Variants in PLAA observed in about 807,000 individuals in gnomAD.
PLAA encodes the protein phospholipase A2 activating protein.
PLAA carries 48 observed loss-of-function variants against 84.1 expected under a neutral mutation model. That is an observed-to-expected ratio of 0.57 (90% confidence interval 0.45 to 0.73). The LOEUF is 0.73. PLAA is among the 30% of genes least tolerant of loss of function. The pLI, the probability that PLAA is intolerant of heterozygous loss-of-function variation, is 0.00. For synonymous variants in PLAA, 392 were observed against 336.6 expected (o/e 1.16, Z -1.80); for missense variants, 903 against 954.7 (o/e 0.95, Z 0.71).
chr9:26,919,088 T>C (rs10967599), intron 9 of PLAA: 35,480 of 396,678 alleles, frequency 0.089, 4,974 homozygotes, highest in East Asian at 0.54. Flanking sequence ...GAAATTCCAT[T>C]ATAGTATGAT....
chr9:26,914,981 G>A (rs1196232253), intron 10 of PLAA, among the ~76,000 whole-genome samples: 1 of 152,228 alleles, frequency 6.6e-6, no homozygotes, highest in Non-Finnish European at 1.5e-5. Flanking sequence ...GGGAGGCTGA[G>A]GCGGGTGGAT....
chr9:26,947,015 T>C lies in PLAA; in HGVS notation c.31A>G (p.Ser11Gly). ...AGCTCGTGGCCCCGGAGCGAGCAGCTCAGCCGGTACCTGGTTGCGCCGCTC... is the reference window on the plus strand; with the variant it reads ...AGCTCGTGGCCCCGGAGCGAGCAGCCCAGCCGGTACCTGGTTGCGCCGCTC... The part of the protein sequence containing the change: MTSGATRYRL[S>G]CSLRGHELDV... The change falls in exon 1 of 14, where the codon AGC becomes GGC. Residue 11 changes from serine to glycine, a missense_variant. By Grantham distance (56) the Ser-to-Gly change is moderately conservative. Transcript: ENST00000397292. 1 of 1,592,284 alleles carries C rather than the reference T, an allele frequency of 6.3e-7. No individual in the cohort carries two copies. Among genetic ancestry groups the C allele is most frequent in the Non-Finnish European group, 8.5e-7 (1 of 1,170,248 alleles).
chr9:26,932,195 T>C lies in PLAA; in HGVS notation c.343+2818A>G, dbSNP rs550828493. Among the ~76,000 whole-genome samples, 5 of 131,266 alleles carry C rather than the reference T, an allele frequency of 3.8e-5. No homozygotes were observed. In the East Asian group the frequency reaches 9.1e-4, roughly 24 times the overall value. The allele number at this position is 131,266 out of a possible 152,430, so 86.1% of individuals were successfully genotyped here. ...AGATTTATGAGACAACTGGGTAAAT[T>C]TGAACATTCACTGGATGTTTTTGTT... is the stretch of plus-strand genomic sequence containing the variant. On this transcript the variant is annotated intron_variant, in intron 2 of 13. Transcript: ENST00000397292.
chr9:26,935,011 A>C lies in PLAA; in HGVS notation c.343+2T>G. ...AAAACACCAAAGCATTATTATACTC[A>C]CCAGTATTTTTGTGGCCTTTTAGAA... On this transcript the variant is annotated splice_donor_variant, in intron 2 of 13. Coordinates refer to ENST00000397292, the MANE Select transcript of PLAA (RefSeq NM_001031689.3). LOFTEE classifies it high-confidence loss of function. The C allele has an allele frequency of 2.5e-6, 4 of 1,574,648 alleles. No individual in the cohort carries two copies. The highest frequency in any genetic ancestry group is 3.5e-6 in the Non-Finnish European group (4 of 1,159,206).
chr9:26,946,134 T>C (rs1180872277), intron 1 of PLAA, among the ~76,000 whole-genome samples: 1 of 152,186 alleles, frequency 6.6e-6, no homozygotes, highest in Non-Finnish European at 1.5e-5. Flanking sequence ...ACCTACTAAA[T>C]AACAAAATAA....
At position 26,933,788 on chromosome 9, in the gene PLAA, CAAA is replaced by C. The variant is rs199939902; in HGVS notation, c.343+1222_343+1224del. On this transcript the variant is annotated intron_variant, in intron 2 of 13. Transcript: ENST00000397292. The stretch of plus-strand genomic sequence containing the variant: ...TGGGCGACAGAGCGAGACTCTGCCT[CAAA>C]AAAAAAAAAAAAAAAAAAAAAATTT... Among the ~76,000 whole-genome samples the C allele has an allele frequency of 4.0e-3, 361 of 89,198 alleles. 2 individuals are homozygous for C. Among genetic ancestry groups the C allele is most frequent in the African/African-American group, 0.014 (334 of 24,388 alleles). 58.5% of individuals were successfully genotyped at this position (89,198 alleles called of 152,430 possible). A position where few individuals can be genotyped will look rare whatever the true frequency, so the allele number is the denominator to read the frequency against.
rs760606980 is a variant in PLAA at position 26,920,264 on chromosome 9, T to G, written c.1160A>C (p.Asn387Thr). 33 of 1,613,810 alleles carry G rather than the reference T, an allele frequency of 2.0e-5. No individual in the cohort carries two copies. Among genetic ancestry groups the G allele is most frequent in the Non-Finnish European group, 2.7e-5 (32 of 1,179,888 alleles). ...IGDVVGSSGANQQTSGKVLYE... is the reference protein window; with the variant it reads ...IGDVVGSSGATQQTSGKVLYE... Reference sequence around the variant, plus strand: ...TAAAACTTTTCCAGATGTTTGCTGATTAGCACCAGATGAGCCAACAACATC... The same window carrying G: ...TAAAACTTTTCCAGATGTTTGCTGAGTAGCACCAGATGAGCCAACAACATC... Residue 387 changes from asparagine to threonine, a missense_variant, in exon 8 of 14, where the codon AAT becomes ACT. Physicochemically the swap from Asn to Thr is moderately conservative, Grantham distance 65. Transcript: ENST00000397292.
chr9:26,930,834 C>T (rs982644753), intron 2 of PLAA, among the ~76,000 whole-genome samples: 3 of 151,382 alleles, frequency 2.0e-5, no homozygotes, highest in South Asian at 2.1e-4. Flanking sequence ...CCACCCACCT[C>T]GGCCTCCCAA....
At position 26,916,410 on chromosome 9, in the gene PLAA, T is replaced by C. The variant is rs1228722547; in HGVS notation, c.1486+687A>G. ...AGTCCAACTCTGGCACTTTTTCCAG[T>C]AGTGTTGATGCTGAGGCATGCATAC... On this transcript the variant is annotated intron_variant, in intron 10 of 13. Coordinates refer to ENST00000397292, the MANE Select transcript of PLAA (RefSeq NM_001031689.3). 3 of 986,928 alleles carry C rather than the reference T, an allele frequency of 3.0e-6. No individual in the cohort carries two copies. The African/African-American group carries it at 5.2e-5, about 17-fold the overall frequency. 61.1% of individuals were successfully genotyped at this position (986,928 alleles called of 1,614,324 possible).
intron 11 of PLAA, among the ~76,000 whole-genome samples, chr9:26,912,553 T>C (rs754451300): frequency 1.3e-5 from 2 of 152,176 alleles, no homozygotes; most frequent in Non-Finnish European, 2.9e-5. Flanking sequence ...TACTAAGGTA[T>C]ATAAAGCTTC....
intron 2 of PLAA, among the ~76,000 whole-genome samples, chr9:26,932,399 G>A (rs1825216136): frequency 1.3e-5 from 2 of 152,148 alleles, no homozygotes; most frequent in South Asian, 4.1e-4. Context: ...AACAATCAAA[G>A]GCAATCTTCT....
At chr9:26,927,126 T>G (rs1323661142) in intron 4 of PLAA, among the ~76,000 whole-genome samples, 1 of 138,922 alleles carries the variant, frequency 7.2e-6, no homozygotes, top group Non-Finnish European at 1.5e-5. Flanking sequence ...TTTTTGTTTT[T>G]CTTTTTTTTT....
chr9:26,906,423 C>CTTTTTTT (rs35324777), intron 13 of PLAA, among the ~76,000 whole-genome samples: 1 of 95,090 alleles, frequency 1.1e-5, no homozygotes, highest in Non-Finnish European at 2.0e-5. Flanking sequence ...AGGGAAAGTT[C>CTTTTTTT]TTTTTTTTTT....
chr9:26,943,086 T>C (rs1198493279), intron 1 of PLAA, among the ~76,000 whole-genome samples: 1 of 152,032 alleles, frequency 6.6e-6, no homozygotes, highest in Non-Finnish European at 1.5e-5. Flanking sequence ...CAAGGCAATA[T>C]AAAGGCAAAG....
At chr9:26,923,751 T>C (rs78036618) in intron 6 of PLAA, among the ~76,000 whole-genome samples, 2,569 of 152,280 alleles carry the variant, frequency 0.017, 28 homozygotes, top group Non-Finnish European at 0.022. Flanking sequence ...AGTAGACAAA[T>C]ATGGTCATCC....
intron 11 of PLAA, among the ~76,000 whole-genome samples, chr9:26,912,667 G>C (rs1437342416): frequency 1.3e-5 from 2 of 152,070 alleles, no homozygotes; most frequent in Admixed American, 6.6e-5. Context: ...CATTAATTTG[G>C]TAAAAAGTTA....
chr9:26,914,201 G>C (rs1245243686), intron 10 of PLAA, among the ~76,000 whole-genome samples: 1 of 152,158 alleles, frequency 6.6e-6, no homozygotes, highest in African/African-American at 2.4e-5. Flanking sequence ...AAAAATGTAA[G>C]TGGATTGGAG....
Position 26,908,765 on chromosome 9 carries a change from C to G in PLAA, c.1658-767G>C, listed in dbSNP as rs532691524. Among the ~76,000 whole-genome samples the G allele has an allele frequency of 1.1e-4, 16 of 152,274 alleles. No individual in the cohort carries two copies. The East Asian group carries it at 2.7e-3, about 26-fold the overall frequency. ...CTGGCATTACAGGCATGAGCCACCA[C>G]GTCCGGCCTCCATTTTGGATGACTT... On this transcript the variant is annotated intron_variant, in intron 12 of 13. Coordinates refer to ENST00000397292, the MANE Select transcript of PLAA (RefSeq NM_001031689.3).
chr9:26,909,922 C>A (rs1178696221), intron 12 of PLAA, among the ~76,000 whole-genome samples: 1 of 152,120 alleles, frequency 6.6e-6, no homozygotes, highest in Non-Finnish European at 1.5e-5. Context: ...CTGTACCAGG[C>A]CAGCAGATTC....
Sources: allele counts gnomAD v4.1 joint callset (sites outside exome capture counted in the v4.1 genomes callset), GRCh38; gene constraint gnomAD v4.1.1; transcripts MANE v1.5; gene names NCBI Gene and HGNC (gene_info 2026-07-23, HGNC 2026-07-21).